Variants in YEATS4 observed in about 807,000 individuals in gnomAD.
YEATS4 encodes YEATS domain containing 4, also known as YEATS domain-containing protein 4.
Under a neutral mutation model 30.1 loss-of-function variants are expected in YEATS4, and 17 were observed. The ratio of observed to expected loss-of-function variants is 0.56; its 90% CI spans 0.39 to 0.85. YEATS4 has a LOEUF of 0.85. YEATS4 is among the 40% of genes least tolerant of loss of function. The pLI, the probability that YEATS4 is intolerant of heterozygous loss-of-function variation, is 0.00. For missense variants in YEATS4, 142 were observed against 268.3 expected, an observed-to-expected ratio of 0.53 and a Z score of 3.29; for synonymous variants, 85 against 87.5, an observed-to-expected ratio of 0.97 and a Z score of 0.16.
chr12:69,391,905 C>T (rs1405742256), downstream of YEATS4, among the ~76,000 whole-genome samples: 1 of 152,120 alleles, frequency 6.6e-6, no homozygotes, highest in Non-Finnish European at 1.5e-5. Flanking sequence ...AAACTAAAGT[C>T]CATGTAGGTA....
At chr12:69,413,622 C>G in the YEATS4 span, among the ~76,000 whole-genome samples, 1 of 150,120 alleles carries the variant, frequency 6.7e-6, no homozygotes, top group Non-Finnish European at 1.5e-5. Flanking sequence ...GAGGCCGAGA[C>G]AGGCAGATCA....
At position 69,390,457 on chromosome 12, in the gene YEATS4, G is replaced by T; in HGVS notation, c.*141G>T. ...GTTGACCATGAATTTCTTAGCAATA[G>T]GAATTTGTACTATTTAAGCAATCTT... On this transcript the variant is annotated 3_prime_UTR_variant, in exon 7 of 7. Transcript: ENST00000247843. 1 of 729,756 alleles carries T rather than the reference G, an allele frequency of 1.4e-6. No homozygotes were observed. The highest frequency in any genetic ancestry group is 2.1e-6 in the Non-Finnish European group (1 of 486,808). 45.2% of individuals were successfully genotyped at this position (729,756 alleles called of 1,614,324 possible). A position where few individuals can be genotyped will look rare whatever the true frequency, so the allele number is the denominator to read the frequency against.
intron 6 of YEATS4, among the ~76,000 whole-genome samples, chr12:69,373,312 T>A (rs79811849): frequency 0.023 from 3,470 of 152,298 alleles, 136 homozygotes; most frequent in African/African-American, 0.077. Flanking sequence ...TTATTGCCTG[T>A]CTTTTCGATA....
the YEATS4 span, among the ~76,000 whole-genome samples, chr12:69,411,848 C>A: frequency 1.3e-5 from 2 of 152,164 alleles, no homozygotes; most frequent in African/African-American, 2.4e-5. Context: ...GCCAATGTGG[C>A]CGATGCCAAG....
the YEATS4 span, among the ~76,000 whole-genome samples, chr12:69,401,536 A>AG: frequency 6.6e-6 from 1 of 152,220 alleles, no homozygotes; most frequent in African/African-American, 2.4e-5. Flanking sequence ...AGACTGCTGC[A>AG]GGGAGTCCTG....
intron 6 of YEATS4, among the ~76,000 whole-genome samples, chr12:69,372,387 A>C (rs1241202070): frequency 6.6e-6 from 1 of 152,156 alleles, no homozygotes; most frequent in African/African-American, 2.4e-5. Context: ...TTACATTATT[A>C]TTGACTATAG....
chr12:69,406,603 G>A, the YEATS4 span, among the ~76,000 whole-genome samples: 19 of 151,106 alleles, frequency 1.3e-4, no homozygotes, highest in African/African-American at 4.6e-4. Context: ...AGTATTTTTT[G>A]TACTTATTGT....
At chr12:69,418,625 G>T in the YEATS4 span, among the ~76,000 whole-genome samples, 1 of 152,186 alleles carries the variant, frequency 6.6e-6, no homozygotes, top group Non-Finnish European at 1.5e-5. Context: ...AGTAATTGAA[G>T]TTGGTTTTTT....
intron 6 of YEATS4, among the ~76,000 whole-genome samples, chr12:69,376,811 A>G (rs924761541): frequency 1.3e-5 from 2 of 152,220 alleles, no homozygotes; most frequent in Admixed American, 6.5e-5. Flanking sequence ...GTAAAATTCA[A>G]CAGTGAAGCC....
chr12:69,367,127 C>T (rs74917677), intron 4 of YEATS4, among the ~76,000 whole-genome samples: 3,728 of 152,290 alleles, frequency 0.024, 148 homozygotes, highest in African/African-American at 0.084. Flanking sequence ...TAACTTATGT[C>T]ACTAAGTAAA....
At chr12:69,381,572 C>G (rs567724281) in intron 6 of YEATS4, among the ~76,000 whole-genome samples, 1 of 152,220 alleles carries the variant, frequency 6.6e-6, no homozygotes, top group Non-Finnish European at 1.5e-5. Flanking sequence ...TAGGAAATCA[C>G]AAGGGTATTG....
At chr12:69,395,789 C>G (rs1413846188), downstream of YEATS4, among the ~76,000 whole-genome samples, 1 of 152,148 alleles carries the variant, frequency 6.6e-6, no homozygotes, top group African/African-American at 2.4e-5. Flanking sequence ...AGGACTCCTT[C>G]AGGAACTTTA....
intron 6 of YEATS4, among the ~76,000 whole-genome samples, chr12:69,386,864 C>G (rs1343425455): frequency 2.0e-5 from 3 of 152,014 alleles, no homozygotes; most frequent in Admixed American, 6.6e-5. Flanking sequence ...CTGTTTTTTC[C>G]TATACATATA....
chr12:69,382,713 G>A (rs1054904185), intron 6 of YEATS4, among the ~76,000 whole-genome samples: 1 of 152,232 alleles, frequency 6.6e-6, no homozygotes, highest in Admixed American at 6.5e-5. Flanking sequence ...TGTGTGTGGA[G>A]GCTGTCCCAG....
chr12:69,369,072 T>C (rs560959979), intron 4 of YEATS4, among the ~76,000 whole-genome samples: 15 of 152,292 alleles, frequency 9.8e-5, no homozygotes, highest in Admixed American at 7.9e-4. Flanking sequence ...AAACAAAATA[T>C]ACCTTTTGCA....
At chr12:69,377,035 G>A (rs1336862327) in intron 6 of YEATS4, among the ~76,000 whole-genome samples, 1 of 152,060 alleles carries the variant, frequency 6.6e-6, no homozygotes, top group African/African-American at 2.4e-5. Flanking sequence ...TTTCTGCACT[G>A]TCAGTTTTAA....
rs1439178127 is a variant in YEATS4 at position 69,359,979 on chromosome 12, A to C, written c.7A>C (p.Lys3Gln). 6.2e-7 allele frequency: 1 copy of C among 1,613,522 alleles called. No homozygotes were observed. The highest frequency in any genetic ancestry group is 8.5e-7 in the Non-Finnish European group (1 of 1,179,714). Reference sequence around the variant, plus strand: ...GCTTCTTCCGTGGGACAATATGTTCAAGAGAATGGCCGAATTTGGGCCTGA... The same window carrying C: ...GCTTCTTCCGTGGGACAATATGTTCCAGAGAATGGCCGAATTTGGGCCTGA... MF[K>Q]RMAEFGPDSG... Residue 3 changes from lysine to glutamine, a missense_variant, in exon 1 of 7, where the codon AAG (lysine) becomes CAG (glutamine). Coordinates refer to ENST00000247843, the MANE Select transcript of YEATS4 (RefSeq NM_006530.4).
intron 1 of YEATS4, among the ~76,000 whole-genome samples, chr12:69,360,568 A>C (rs1356574093): frequency 2.0e-5 from 3 of 152,178 alleles, no homozygotes; most frequent in African/African-American, 7.2e-5. Context: ...ACATTCAGTA[A>C]ATGTCAACTT....
intron 6 of YEATS4, among the ~76,000 whole-genome samples, chr12:69,380,515 T>A (rs1173950877): frequency 6.6e-6 from 1 of 152,176 alleles, no homozygotes. Context: ...CAAGCACCCC[T>A]TTAGCCACCA....
Sources: gnomAD v4.1 joint callset for allele counts (sites outside exome capture counted in the v4.1 genomes callset) on GRCh38, gnomAD v4.1.1 for gene constraint, MANE v1.5 for transcripts, NCBI Gene and HGNC (gene_info 2026-07-23, HGNC 2026-07-21) for gene names.